Variants in VWC2 observed in about 807,000 individuals in gnomAD.
VWC2 encodes the protein von Willebrand factor C domain containing 2.
In VWC2, 14 loss-of-function variants were observed where a neutral mutation model predicts 29.8. That is an observed-to-expected ratio of 0.47 (90% CI 0.31 to 0.74). The LOEUF (loss-of-function observed/expected upper bound fraction) is 0.74. Ranked by LOEUF, VWC2 falls within the 30% of genes least tolerant of loss-of-function variation. The pLI is 0.05. For synonymous variants in VWC2, 213 were observed against 199.0 expected, an observed-to-expected ratio of 1.07 and a Z score of -0.59; for missense variants, 457 against 459.8, an observed-to-expected ratio of 0.99 and a Z score of 0.05.
In VWC2 at chr7:49,915,427, C is replaced by T. The variant is rs941035700; in HGVS notation, c.*3242C>T. ...AAACATGCTAAGAAGAATTATCATG[C>T]AGTTTTAAGTTCATAACATCAATAA... On this transcript the variant is annotated 3_prime_UTR_variant, in exon 4 of 4. Coordinates refer to ENST00000340652, the MANE Select transcript of VWC2 (RefSeq NM_198570.5). The T allele has an allele frequency of 6.6e-6, 1 of 152,146 alleles. No homozygotes were observed. The highest frequency in any genetic ancestry group is 1.5e-5 in the Non-Finnish European group (1 of 68,020). The allele number at this position is 152,146 out of a possible 1,614,324, so 9.4% of individuals were successfully genotyped here. A position where few individuals can be genotyped will look rare whatever the true frequency, so the allele number is the denominator to read the frequency against.
At chr7:49,777,372 A>C (rs780431545) in intron 2 of VWC2, among the ~76,000 whole-genome samples, 8 of 152,252 alleles carry the variant, frequency 5.3e-5, no homozygotes, top group Non-Finnish European at 1.0e-4. Flanking sequence ...TATAAGTACA[A>C]AGCCAGGAAG....
chr7:49,902,400 G>C (rs1213535016), intron 3 of VWC2, among the ~76,000 whole-genome samples: 7 of 151,956 alleles, frequency 4.6e-5, no homozygotes, highest in Admixed American at 2.0e-4. Context: ...ACATAGATCA[G>C]TGGAACAGCA....
chr7:49,840,300 G>A (rs1789764381), intron 3 of VWC2, among the ~76,000 whole-genome samples: 1 of 152,240 alleles, frequency 6.6e-6, no homozygotes, highest in African/African-American at 2.4e-5. Flanking sequence ...GTATGGTGGA[G>A]GGGCACGGAG....
At position 49,921,320 on chromosome 7, in the gene VWC2, T is replaced by G. The variant is rs1383016518; in HGVS notation, c.*9135T>G. 1 of 152,202 alleles carries G rather than the reference T, an allele frequency of 6.6e-6. No homozygotes were observed. Among genetic ancestry groups the G allele is most frequent in the Non-Finnish European group, 1.5e-5 (1 of 68,048 alleles). 9.4% of individuals were successfully genotyped at this position (152,202 alleles called of 1,614,324 possible). A position where few individuals can be genotyped will look rare whatever the true frequency, so the allele number is the denominator to read the frequency against. On this transcript the variant is annotated 3_prime_UTR_variant, in exon 4 of 4. Transcript: ENST00000340652. ...GTTGTTCCCATCCCTGGCCTGAGCC[T>G]TACTCCATAGCTATAGAGACATAGT...
chr7:49,802,810 C>T lies in VWC2; in HGVS notation c.796C>T (p.Pro266Ser). The change falls in exon 3 of 4, where the codon CCT becomes TCT. Residue 266 changes from proline to serine, a missense_variant. Transcript: ENST00000340652. Reference protein sequence around the residue: ...QTECVDPVYEPDQCCPICKNG... With the variant: ...QTECVDPVYESDQCCPICKNG... Reference sequence around the variant, plus strand: ...GGAGTGTGTGGACCCTGTGTACGAGCCTGATCAGTGCTGTCCCATCTGCAA... The same window carrying T: ...GGAGTGTGTGGACCCTGTGTACGAGTCTGATCAGTGCTGTCCCATCTGCAA... The T allele has an allele frequency of 6.2e-7, 1 of 1,614,178 alleles. No homozygotes were observed. The highest frequency in any genetic ancestry group is 8.5e-7 in the Non-Finnish European group (1 of 1,180,032).
Position 49,920,765 on chromosome 7 carries a change from C to T in VWC2, c.*8580C>T, listed in dbSNP as rs551214000. 6.6e-6 allele frequency: 1 copy of T among 152,056 alleles called. No homozygotes were observed. The highest frequency in any genetic ancestry group is 1.9e-4 in the East Asian group (1 of 5,186). 9.4% of individuals were successfully genotyped at this position (152,056 alleles called of 1,614,324 possible). ...TAATTTTAAATACTTATTCCATAAA[C>T]TCAGTATTTGAAAACTTAAAAAAAA... is the stretch of plus-strand genomic sequence containing the variant. On this transcript the variant is annotated 3_prime_UTR_variant, in exon 4 of 4. Coordinates refer to ENST00000340652, the MANE Select transcript of VWC2 (RefSeq NM_198570.5).
rs1023719133 is a variant in VWC2, at chr7:49,790,821, G to A, written c.697-11890G>A. 2.0e-5 allele frequency among the ~76,000 whole-genome samples: 3 copies of A among 151,932 alleles called. No individual in the cohort carries two copies. The South Asian group carries it at 6.3e-4, about 32-fold the overall frequency. On this transcript the variant is annotated intron_variant, in intron 2 of 3. Coordinates refer to ENST00000340652, the MANE Select transcript of VWC2 (RefSeq NM_198570.5). ...GCTAGTTTGATAAGACAGTTTCAGG[G>A]AAGAAACCTGAACAAGGACGGGGGA...
chr7:49,893,013 TA>T (rs1468764064), intron 3 of VWC2, among the ~76,000 whole-genome samples: 1 of 152,230 alleles, frequency 6.6e-6, no homozygotes, highest in Non-Finnish European at 1.5e-5. Flanking sequence ...GACACTTTTT[TA>T]AACAGGTTAC....
chr7:49,840,488 G>A (rs775887081), intron 3 of VWC2, among the ~76,000 whole-genome samples: 23 of 152,154 alleles, frequency 1.5e-4, no homozygotes, highest in Admixed American at 4.6e-4. Context: ...GTGGAAAGCC[G>A]TTTTATAAAC....
intron 3 of VWC2, among the ~76,000 whole-genome samples, chr7:49,877,063 C>T (rs1297446932): frequency 6.6e-6 from 1 of 152,030 alleles, no homozygotes; most frequent in East Asian, 1.9e-4. Context: ...AGCTGATGCC[C>T]AAAGAGACTG....
chr7:49,823,603 A>G (rs1279951852), intron 3 of VWC2, among the ~76,000 whole-genome samples: 1 of 152,118 alleles, frequency 6.6e-6, no homozygotes, highest in African/African-American at 2.4e-5. Flanking sequence ...GCAGTTGGGT[A>G]TGTGTTTATT....
At chr7:49,874,930 T>C (rs1791333381) in intron 3 of VWC2, among the ~76,000 whole-genome samples, 2 of 152,190 alleles carry the variant, frequency 1.3e-5, no homozygotes, top group South Asian at 4.1e-4. Context: ...GAATTGTAAT[T>C]ACCCACATAA....
intron 3 of VWC2, among the ~76,000 whole-genome samples, chr7:49,874,381 G>C (rs1791306631): frequency 6.6e-6 from 1 of 152,170 alleles, no homozygotes; most frequent in Non-Finnish European, 1.5e-5. Flanking sequence ...TGCCGTGCAG[G>C]TTTGTAGCCT....
At chr7:49,815,839 A>C (rs972563603) in intron 3 of VWC2, among the ~76,000 whole-genome samples, 21 of 152,248 alleles carry the variant, frequency 1.4e-4, no homozygotes, top group African/African-American at 5.1e-4. Context: ...AAAGTCCTTC[A>C]TTAATTCATT....
At chr7:49,832,376 C>G (rs995742895) in intron 3 of VWC2, among the ~76,000 whole-genome samples, 1 of 151,968 alleles carries the variant, frequency 6.6e-6, no homozygotes. Flanking sequence ...GAAATAGAAC[C>G]TCATTCTATT....
At chr7:49,774,800 G>T (rs985404569) in intron 1 of VWC2, among the ~76,000 whole-genome samples, 2 of 152,232 alleles carry the variant, frequency 1.3e-5, no homozygotes, top group Non-Finnish European at 2.9e-5. Flanking sequence ...TGTTAGAAAT[G>T]AATCGTGGAG....
At position 49,887,748 on chromosome 7, in the gene VWC2, T is replaced by C. The variant is rs542324925; in HGVS notation, c.827-24286T>C. On this transcript the variant is annotated intron_variant, in intron 3 of 3. Transcript: ENST00000340652. The stretch of plus-strand genomic sequence containing the variant: ...TCCATTTGTTGAATTAGGAAGTCTA[T>C]ACAACACCACACCAACCCATGGCAC... Among the ~76,000 whole-genome samples the C allele has an allele frequency of 7.2e-5, 11 of 152,268 alleles. No individual in the cohort carries two copies. The East Asian group carries it at 7.7e-4, about 11-fold the overall frequency.
At chr7:49,896,640 A>G (rs1412486892) in intron 3 of VWC2, among the ~76,000 whole-genome samples, 2 of 152,144 alleles carry the variant, frequency 1.3e-5, no homozygotes, top group Non-Finnish European at 2.9e-5. Flanking sequence ...TTAAACACAT[A>G]GCAAGACAAA....
intron 2 of VWC2, among the ~76,000 whole-genome samples, chr7:49,781,254 T>G (rs1788171452): frequency 6.6e-6 from 1 of 152,214 alleles, no homozygotes. Context: ...GTGACTTTTT[T>G]TTTTAAAGAG....
Sources: allele counts gnomAD v4.1 joint callset (sites outside exome capture counted in the v4.1 genomes callset), GRCh38; gene constraint gnomAD v4.1.1; transcripts MANE v1.5; gene names NCBI Gene and HGNC (gene_info 2026-07-23, HGNC 2026-07-21).